The following SAMMSON variants were observed in gnomAD, a reference collection of about 807,000 sequenced individuals.
SAMMSON encodes the protein long intergenic non-protein coding RNA 1212.
intron 4 of SAMMSON, among the ~76,000 whole-genome samples, chr3:70,216,978 C>T (rs1474150738): frequency 2.6e-5 from 4 of 152,148 alleles, no homozygotes; most frequent in African/African-American, 7.2e-5. Flanking sequence ...TGCCAAGATT[C>T]AGAAATCCTT....
intron 3 of SAMMSON, among the ~76,000 whole-genome samples, chr3:70,067,080 A>T (rs2067212425): frequency 6.6e-6 from 1 of 152,082 alleles, no homozygotes; most frequent in South Asian, 2.1e-4. Flanking sequence ...CTAATCTAAT[A>T]ATAAGACCAT....
At chr3:70,078,942 A>G (rs549343716) in intron 4 of SAMMSON, among the ~76,000 whole-genome samples, 61 of 152,292 alleles carry the variant, frequency 4.0e-4, no homozygotes, top group African/African-American at 1.4e-3. Context: ...CAATCCATGG[A>G]CTAAATCTGA....
At chr3:70,062,934 C>T (rs534328263) in intron 3 of SAMMSON, among the ~76,000 whole-genome samples, 2 of 152,214 alleles carry the variant, frequency 1.3e-5, no homozygotes, top group South Asian at 2.1e-4. Flanking sequence ...TTCAGAAATA[C>T]AGTATTCCAA....
chr3:70,386,219 G>C (rs938582061), intron 9 of SAMMSON, among the ~76,000 whole-genome samples: 1 of 152,036 alleles, frequency 6.6e-6, no homozygotes, highest in African/African-American at 2.4e-5. Context: ...CAGAAGCTCC[G>C]CTGATTATCA....
chr3:70,283,396 G>T (rs1702108202), intron 6 of SAMMSON, among the ~76,000 whole-genome samples: 1 of 152,082 alleles, frequency 6.6e-6, no homozygotes, highest in African/African-American at 2.4e-5. Context: ...TTATTGTTCA[G>T]GCTGACGAAT....
intron 4 of SAMMSON, among the ~76,000 whole-genome samples, chr3:70,073,816 G>T (rs1281273083): frequency 6.6e-6 from 1 of 152,028 alleles, no homozygotes; most frequent in Non-Finnish European, 1.5e-5. Flanking sequence ...GACCCAGATT[G>T]GAATCCTGGC....
chr3:70,168,022 T>G (rs2067644970), intron 4 of SAMMSON, among the ~76,000 whole-genome samples: 1 of 151,986 alleles, frequency 6.6e-6, no homozygotes, highest in African/African-American at 2.4e-5. Context: ...AAGCAGTTTT[T>G]AGGGAGTGAA....
intron 4 of SAMMSON, among the ~76,000 whole-genome samples, chr3:70,228,663 TTA>T (rs1559540174): frequency 6.6e-6 from 1 of 151,900 alleles, no homozygotes; most frequent in African/African-American, 2.4e-5. Flanking sequence ...GGGCTAAATG[TTA>T]AAAATTGAAA....
chr3:70,098,399 G>C (rs1444746410), intron 4 of SAMMSON, among the ~76,000 whole-genome samples: 1 of 151,006 alleles, frequency 6.6e-6, no homozygotes, highest in East Asian at 1.9e-4. Flanking sequence ...ACGGAATCTC[G>C]CTCTCTCTCC....
At chr3:70,037,182 C>T (rs1008269610) in intron 3 of SAMMSON, among the ~76,000 whole-genome samples, 1 of 151,806 alleles carries the variant, frequency 6.6e-6, no homozygotes, top group Non-Finnish European at 1.5e-5. Flanking sequence ...TCCACCCCTC[C>T]TTAAGGGAAC....
intron 3 of SAMMSON, among the ~76,000 whole-genome samples, chr3:70,027,852 T>C (rs2107582777): frequency 6.6e-6 from 1 of 152,314 alleles, no homozygotes; most frequent in Middle Eastern, 3.4e-3. Context: ...TAAGAGCAAA[T>C]GCAAGGTAAT....
intron 6 of SAMMSON, among the ~76,000 whole-genome samples, chr3:70,267,834 T>G (rs577131916): frequency 5.3e-5 from 8 of 152,190 alleles, no homozygotes; most frequent in Non-Finnish European, 1.2e-4. Context: ...AATGGAAATT[T>G]AATATGATTA....
chr3:70,124,182 C>G (rs1312177415), intron 4 of SAMMSON, among the ~76,000 whole-genome samples: 1 of 152,202 alleles, frequency 6.6e-6, no homozygotes, highest in East Asian at 1.9e-4. Context: ...CCTACCATAT[C>G]TCTAGCACAC....
intron 2 of SAMMSON, among the ~76,000 whole-genome samples, chr3:70,417,657 G>T (rs139804994): frequency 9.9e-5 from 15 of 152,206 alleles, no homozygotes; most frequent in African/African-American, 3.4e-4. Flanking sequence ...CTCTGAGTTA[G>T]CTTCCTTTTA....
chr3:70,207,024 T>G (rs1417060893), intron 4 of SAMMSON, among the ~76,000 whole-genome samples: 1 of 146,076 alleles, frequency 6.8e-6, no homozygotes, highest in East Asian at 2.2e-4. Context: ...TTTGTAACAC[T>G]TATTTCTACT....
At chr3:70,152,446 A>C (rs1479706673) in intron 4 of SAMMSON, among the ~76,000 whole-genome samples, 1 of 152,086 alleles carries the variant, frequency 6.6e-6, no homozygotes, top group African/African-American at 2.4e-5. Context: ...CAAAAGTGAC[A>C]GTGGGTACCT....
Position 70,041,236 on chromosome 3 carries a change from C to T in SAMMSON, n.417+27564C>T, listed in dbSNP as rs79564205. On this transcript the variant is annotated intron_variant and non_coding_transcript_variant, in intron 3 of 9. Coordinates refer to ENST00000642114, the Ensembl canonical transcript of SAMMSON. ...TTCCAAAGACATTTTGTTGTATGCT[C>T]CTAGGCCTCGTATTATCCACAGGTT... Among the ~76,000 whole-genome samples the T allele has an allele frequency of 6.1e-3, 928 of 152,138 alleles. 8 individuals carry two copies. The highest frequency in any genetic ancestry group is 0.02 in the African/African-American group (827 of 41,494).
chr3:70,009,563 T>C (rs2066945029), intron 1 of SAMMSON, among the ~76,000 whole-genome samples: 1 of 152,172 alleles, frequency 6.6e-6, no homozygotes, highest in Admixed American at 6.5e-5. Context: ...AGTCTATCAA[T>C]TTTGTTGATC....
At chr3:70,116,439 G>GAAAGGCAAGATTCCGCAATGC (rs1559517637) in intron 4 of SAMMSON, among the ~76,000 whole-genome samples, 1 of 151,522 alleles carries the variant, frequency 6.6e-6, no homozygotes, top group Non-Finnish European at 1.5e-5. Context: ...TTATTTACAT[G>GAAAGGCAAGATTCCGCAATGC]AAAGGCAAGA....
Sources: gnomAD v4.1 joint callset for allele counts (sites outside exome capture counted in the v4.1 genomes callset) on GRCh38, gnomAD v4.1.1 for gene constraint, MANE v1.5 for transcripts, NCBI Gene and HGNC (gene_info 2026-07-23, HGNC 2026-07-21) for gene names.